SP140: variants seen among roughly 807,000 people sequenced by gnomAD.
SP140 encodes the protein SP140 nuclear body protein.
In SP140, 81 loss-of-function variants were observed where a neutral mutation model predicts 125.0. The ratio of observed to expected loss-of-function variants is 0.65; its 90% CI spans 0.54 to 0.78. The LOEUF (loss-of-function observed/expected upper bound fraction) is 0.78. Among genes scored for constraint, SP140 ranks in the 30% least tolerant of loss-of-function variants. The pLI, the probability that SP140 is intolerant of heterozygous loss-of-function variation, is 0.00. For synonymous variants in SP140, 312 were observed against 354.0 expected, an observed-to-expected ratio of 0.88 and a Z score of 1.33; for missense variants, 858 against 1,037.0, an observed-to-expected ratio of 0.83 and a Z score of 2.37.
intron 15 of SP140, among the ~76,000 whole-genome samples, chr2:230,277,759 G>C (rs1012771155): frequency 2.0e-5 from 3 of 152,130 alleles, no homozygotes; most frequent in African/African-American, 7.2e-5. Context: ...TATATGATGT[G>C]AGATGGTAAT....
chr2:230,186,548 T>A, the SP140 span, among the ~76,000 whole-genome samples: 1 of 152,220 alleles, frequency 6.6e-6, no homozygotes, highest in Non-Finnish European at 1.5e-5. Context: ...ACAAGTGGTT[T>A]TTGGTTACAT....
rs184993087 is a variant in SP140 at position 230,236,118 on chromosome 2, G to A, written c.60-965G>A. Reference sequence around the variant, plus strand: ...TCTCGATCTCCTGACCTTGTGATCCGCCTGTCTCGGCCTCCCAAAGTGCTG... The same window carrying A: ...TCTCGATCTCCTGACCTTGTGATCCACCTGTCTCGGCCTCCCAAAGTGCTG... On this transcript the variant is annotated intron_variant, in intron 1 of 26. Coordinates refer to ENST00000392045, the MANE Select transcript of SP140 (RefSeq NM_007237.5). Among the ~76,000 whole-genome samples, 1,107 of 152,062 alleles carry A rather than the reference G, an allele frequency of 7.3e-3. 19 individuals carry two copies. Among genetic ancestry groups the A allele is most frequent in the African/African-American group, 0.025 (1,035 of 41,466 alleles).
At chr2:230,249,220 G>A (rs1304772438) in intron 9 of SP140, among the ~76,000 whole-genome samples, 1 of 152,160 alleles carries the variant, frequency 6.6e-6, no homozygotes, top group Non-Finnish European at 1.5e-5. Flanking sequence ...TATACCAGAG[G>A]TAGGCTGGGG....
intron 1 of SP140, chr2:230,212,465 G>A (rs1458277737): frequency 6.8e-7 from 1 of 1,476,768 alleles, no homozygotes. Context: ...CAGATTGCAG[G>A]GACTGGATGT....
chr2:230,264,035 AG>A (rs1450190644), intron 12 of SP140, among the ~76,000 whole-genome samples: 2 of 152,116 alleles, frequency 1.3e-5, no homozygotes, highest in African/African-American at 4.8e-5. Context: ...AGGCCAGGGA[AG>A]TTTTCTTTGA....
chr2:230,231,903 G>C (rs560059947), intron 1 of SP140, among the ~76,000 whole-genome samples: 2 of 152,122 alleles, frequency 1.3e-5, no homozygotes, highest in African/African-American at 4.8e-5. Context: ...TAGAGACGGG[G>C]TTTCACCATG....
chr2:230,192,534 A>G, the SP140 span, among the ~76,000 whole-genome samples: 1 of 151,232 alleles, frequency 6.6e-6, no homozygotes, highest in African/African-American at 2.4e-5. Context: ...ACCATTCACA[A>G]TCACTACAAA....
At chr2:230,279,391 G>A (rs905402717) in intron 15 of SP140, among the ~76,000 whole-genome samples, 2 of 151,874 alleles carry the variant, frequency 1.3e-5, no homozygotes, top group African/African-American at 2.4e-5. Context: ...CAAACTGGAG[G>A]CATCATACTG....
chr2:230,241,376 T>C, intron 3 of SP140, 28 bp from the exon 4 acceptor site: 1 of 1,381,756 alleles, frequency 7.2e-7, no homozygotes, highest in Non-Finnish European at 1.0e-6. Context: ...CTGTCTGAGT[T>C]TGGTAATTTT....
intron 15 of SP140, among the ~76,000 whole-genome samples, chr2:230,278,949 T>G (rs2055121347): frequency 6.6e-6 from 1 of 152,066 alleles, no homozygotes; most frequent in Non-Finnish European, 1.5e-5. Context: ...CCCTATAGAC[T>G]CCATCAAAAA....
intron 3 of SP140, among the ~76,000 whole-genome samples, chr2:230,219,362 A>G (rs2045586112): frequency 6.6e-6 from 1 of 152,234 alleles, no homozygotes; most frequent in African/African-American, 2.4e-5. Flanking sequence ...AACAGGTCCA[A>G]ATGTTCTGAA....
In SP140 at chr2:230,309,905, A is replaced by G; in HGVS notation, c.2059-19A>G. 1 of 1,612,610 alleles carries G rather than the reference A, an allele frequency of 6.2e-7. No homozygotes were observed. Among genetic ancestry groups the G allele is most frequent in the Non-Finnish European group, 8.5e-7 (1 of 1,179,714 alleles). On this transcript the variant is annotated intron_variant, in intron 22 of 26. Coordinates refer to ENST00000392045, the MANE Select transcript of SP140 (RefSeq NM_007237.5). ...AATCTTGCGGTTCCCAGTGACGTGGACACTGTTTTATCTTCTAGATGAGAA... is the reference window on the plus strand; with the variant it reads ...AATCTTGCGGTTCCCAGTGACGTGGGCACTGTTTTATCTTCTAGATGAGAA...
At chr2:230,197,082 G>A in the SP140 span, among the ~76,000 whole-genome samples, 3 of 152,152 alleles carry the variant, frequency 2.0e-5, no homozygotes, top group African/African-American at 7.2e-5. Context: ...TGGGTCAAAT[G>A]GTATTTCTAG....
chr2:230,282,119 CTT>C (rs2055657976), intron 15 of SP140, among the ~76,000 whole-genome samples: 1 of 152,074 alleles, frequency 6.6e-6, no homozygotes, highest in Admixed American at 6.6e-5. Context: ...GAGACATTAT[CTT>C]TTTAGCTGGA....
intron 1 of SP140, chr2:230,207,950 C>T: frequency 1.0e-6 from 1 of 971,628 alleles, no homozygotes. Flanking sequence ...CCTGCATGAG[C>T]TGTTTCCAGC....
chr2:230,286,959 A>AC (rs1330212179), intron 17 of SP140, among the ~76,000 whole-genome samples: 2 of 152,060 alleles, frequency 1.3e-5, no homozygotes, highest in African/African-American at 4.8e-5. Context: ...CCTGATCAGC[A>AC]CCCCCAGATG....
upstream of SP140, among the ~76,000 whole-genome samples, chr2:230,221,982 C>T (rs1645104639): frequency 6.6e-6 from 1 of 152,230 alleles, no homozygotes; most frequent in African/African-American, 2.4e-5. Flanking sequence ...TTAGCTAGCA[C>T]TTTGGGAGGC....
chr2:230,274,419 T>A (rs1274922167), intron 15 of SP140, among the ~76,000 whole-genome samples: 7 of 152,114 alleles, frequency 4.6e-5, no homozygotes, highest in African/African-American at 1.7e-4. Context: ...TATGGAAGAA[T>A]GGTCAGAGAG....
intron 12 of SP140, among the ~76,000 whole-genome samples, chr2:230,267,531 A>C (rs1047282173): frequency 1.3e-5 from 2 of 152,190 alleles, no homozygotes; most frequent in Non-Finnish European, 2.9e-5. Flanking sequence ...TACTTGTCAA[A>C]TGTGTTACTT....
Sources: gnomAD v4.1 joint callset for allele counts (sites outside exome capture counted in the v4.1 genomes callset) on GRCh38, gnomAD v4.1.1 for gene constraint, MANE v1.5 for transcripts, NCBI Gene and HGNC (gene_info 2026-07-23, HGNC 2026-07-21) for gene names.